NBEA: variants seen among roughly 807,000 people sequenced by gnomAD.
The protein encoded by NBEA is lysosomal-trafficking regulator 2.
Under a neutral mutation model 343.4 loss-of-function variants are expected in NBEA, and 44 were observed. The ratio of observed to expected loss-of-function variants is 0.13; its 90% CI spans 0.10 to 0.16. The LOEUF (loss-of-function observed/expected upper bound fraction) is 0.16. Among genes scored for constraint, NBEA ranks in the 10% least tolerant of loss-of-function variants. NBEA has a pLI of 1.00. For missense variants in NBEA, 2,555 were observed against 3,631.3 expected, an observed-to-expected ratio of 0.70 and a Z score of 7.62; for synonymous variants, 1,175 against 1,238.7, an observed-to-expected ratio of 0.95 and a Z score of 1.08.
At chr13:35,133,792 A>T (rs967728284) in intron 17 of NBEA, among the ~76,000 whole-genome samples, 3 of 152,102 alleles carry the variant, frequency 2.0e-5, no homozygotes, top group African/African-American at 7.2e-5. Context: ...AAAAGTATAA[A>T]GACGTACATG....
At chr13:35,490,270 A>G (rs149121926) in intron 41 of NBEA, among the ~76,000 whole-genome samples, 3 of 152,058 alleles carry the variant, frequency 2.0e-5, no homozygotes, top group African/African-American at 7.2e-5. Flanking sequence ...TCTAGAAACT[A>G]TAGTAGAATT....
At chr13:35,066,224 GTGT>G (rs2063647558) in intron 8 of NBEA, among the ~76,000 whole-genome samples, 1 of 152,112 alleles carries the variant, frequency 6.6e-6, no homozygotes, top group Non-Finnish European at 1.5e-5. Flanking sequence ...GCCTCCCAAA[GTGT>G]TGTGATTACA....
intron 45 of NBEA, among the ~76,000 whole-genome samples, chr13:35,582,528 A>T (rs1031023439): frequency 2.2e-4 from 34 of 152,136 alleles, no homozygotes; most frequent in Non-Finnish European, 3.4e-4. Flanking sequence ...AGAACTTTTT[A>T]AAAAATCTAA....
chr13:35,654,623 G>A (rs2084718497), intron 53 of NBEA, among the ~76,000 whole-genome samples: 1 of 151,980 alleles, frequency 6.6e-6, no homozygotes, highest in Non-Finnish European at 1.5e-5. Context: ...TGTTTTTATT[G>A]GTGGAGGGAG....
intron 39 of NBEA, among the ~76,000 whole-genome samples, chr13:35,447,891 T>G (rs1434692154): frequency 3.3e-5 from 5 of 152,186 alleles, no homozygotes; most frequent in Non-Finnish European, 5.9e-5. Context: ...CAATTCTTTC[T>G]AAGGACAGTG....
chr13:35,095,239 T>A (rs1298800429), intron 10 of NBEA, among the ~76,000 whole-genome samples: 1 of 151,374 alleles, frequency 6.6e-6, no homozygotes, highest in Non-Finnish European at 1.5e-5. Context: ...TTAAAAAAAT[T>A]AAATACAAAT....
intron 1 of NBEA, among the ~76,000 whole-genome samples, chr13:35,000,704 T>TG (rs1296326692): frequency 1.3e-5 from 2 of 151,416 alleles, no homozygotes; most frequent in Non-Finnish European, 1.5e-5. Flanking sequence ...GGGGTTGAGA[T>TG]GGGGAGGTGT....
chr13:35,181,438 T>C (rs1170208924), intron 28 of NBEA, among the ~76,000 whole-genome samples: 1 of 151,950 alleles, frequency 6.6e-6, no homozygotes, highest in Non-Finnish European at 1.5e-5. Context: ...TTTCATATAT[T>C]TGTTGTTGGC....
At chr13:35,089,907 T>G in intron 10 of NBEA, among the ~76,000 whole-genome samples, 2 of 102,428 alleles carry the variant, frequency 2.0e-5, no homozygotes, top group Non-Finnish European at 3.7e-5. Flanking sequence ...CTGGGGACTG[T>G]TGTGGGGTGG....
At chr13:35,119,414 T>C (rs183978037) in intron 16 of NBEA, among the ~76,000 whole-genome samples, 1 of 152,246 alleles carries the variant, frequency 6.6e-6, no homozygotes, top group East Asian at 1.9e-4. Flanking sequence ...TATCAATGAA[T>C]AACAACTTTC....
At chr13:35,471,965 C>G (rs887109810) in intron 40 of NBEA, among the ~76,000 whole-genome samples, 2 of 152,112 alleles carry the variant, frequency 1.3e-5, no homozygotes, top group African/African-American at 4.8e-5. Context: ...CCTCTCGCCT[C>G]TCCTTGGGGA....
At chr13:35,446,654 G>T (rs932969438) in intron 39 of NBEA, among the ~76,000 whole-genome samples, 2 of 152,050 alleles carry the variant, frequency 1.3e-5, no homozygotes, top group African/African-American at 4.8e-5. Flanking sequence ...AGAATATGAG[G>T]TGCAAAGAGG....
At chr13:35,361,090 GA>G (rs2040781416) in intron 38 of NBEA, among the ~76,000 whole-genome samples, 1 of 151,718 alleles carries the variant, frequency 6.6e-6, no homozygotes, top group Non-Finnish European at 1.5e-5. Context: ...CCAAGGTAAA[GA>G]AAAAATCTTG....
At chr13:35,530,957 T>A (rs2078234976) in intron 41 of NBEA, among the ~76,000 whole-genome samples, 2 of 152,224 alleles carry the variant, frequency 1.3e-5, no homozygotes, top group South Asian at 4.2e-4. Context: ...TTTCTGCCTG[T>A]GTTCATAGGC....
chr13:35,201,810 A>G (rs528353964), intron 31 of NBEA, among the ~76,000 whole-genome samples: 3 of 152,154 alleles, frequency 2.0e-5, no homozygotes, highest in South Asian at 2.1e-4. Flanking sequence ...AATCCCAGAA[A>G]AGGTGCATCT....
chr13:35,011,928 G>C (rs572327954), intron 1 of NBEA, among the ~76,000 whole-genome samples: 1 of 152,028 alleles, frequency 6.6e-6, no homozygotes, highest in Non-Finnish European at 1.5e-5. Flanking sequence ...GTATTGCTCT[G>C]ATATTTAGCA....
chr13:35,563,946 G>A (rs1368045940), intron 44 of NBEA, among the ~76,000 whole-genome samples: 1 of 151,722 alleles, frequency 6.6e-6, no homozygotes, highest in Non-Finnish European at 1.5e-5. Flanking sequence ...TAAATTACAT[G>A]TCATGGGTGT....
intron 41 of NBEA, among the ~76,000 whole-genome samples, chr13:35,527,987 A>T (rs569977667): frequency 6.6e-6 from 1 of 152,228 alleles, no homozygotes; most frequent in South Asian, 2.1e-4. Context: ...ACAAAGCAAG[A>T]CCCTGTCTCA....
intron 38 of NBEA, among the ~76,000 whole-genome samples, chr13:35,357,868 A>G (rs997982058): frequency 5.3e-5 from 8 of 152,176 alleles, no homozygotes; most frequent in African/African-American, 1.9e-4. Flanking sequence ...TGTCAGACAC[A>G]ATAGATATCC....
Sources: allele counts gnomAD v4.1 joint callset (sites outside exome capture counted in the v4.1 genomes callset), GRCh38; gene constraint gnomAD v4.1.1; transcripts MANE v1.5; gene names NCBI Gene and HGNC (gene_info 2026-07-23, HGNC 2026-07-21).